Variants in GPC6 observed in about 807,000 individuals in gnomAD.
GPC6 encodes glypican 6, also known as glypican-6.
A neutral mutation model predicts 55.2 loss-of-function variants in GPC6; 14 were observed. The ratio of observed to expected loss-of-function variants is 0.25; its 90% CI spans 0.17 to 0.40. GPC6 has a LOEUF of 0.40. Among genes scored for constraint, GPC6 ranks in the 10% least tolerant of loss-of-function variants. The probability of loss-of-function intolerance (pLI) is 1.00; values close to 1 mark genes in which losing one functional copy is unlikely to be tolerated. For synonymous variants in GPC6, 278 were observed against 259.6 expected, an observed-to-expected ratio of 1.07 and a Z score of -0.68; for missense variants, 641 against 708.5, an observed-to-expected ratio of 0.90 and a Z score of 1.08.
chr13:93,941,506 A>G (rs922480051), intron 3 of GPC6, among the ~76,000 whole-genome samples: 2 of 152,218 alleles, frequency 1.3e-5, no homozygotes, highest in Non-Finnish European at 2.9e-5. Flanking sequence ...GTGGCAGTGC[A>G]GTACGTACTG....
At chr13:93,422,986 G>A (rs7997987) in intron 1 of GPC6, among the ~76,000 whole-genome samples, 7,170 of 152,130 alleles carry the variant, frequency 0.047, 506 homozygotes, top group East Asian at 0.27. Context: ...TGCTTAGGAT[G>A]CACATTATTT....
chr13:94,092,947 GC>G (rs1477603809), intron 4 of GPC6, among the ~76,000 whole-genome samples: 1 of 151,688 alleles, frequency 6.6e-6, no homozygotes, highest in African/African-American at 2.4e-5. Flanking sequence ...TCCATTTTTT[GC>G]CCATTTTTAA....
intron 4 of GPC6, among the ~76,000 whole-genome samples, chr13:94,281,112 T>C (rs1227363114): frequency 6.6e-6 from 1 of 152,208 alleles, no homozygotes; most frequent in Non-Finnish European, 1.5e-5. Flanking sequence ...TTAGATTAAG[T>C]TGAGCTTATT....
At chr13:94,229,721 A>C (rs914861173) in intron 4 of GPC6, among the ~76,000 whole-genome samples, 2 of 152,198 alleles carry the variant, frequency 1.3e-5, no homozygotes, top group East Asian at 3.9e-4. Context: ...TTGCAGTTCC[A>C]CTGCCATGTG....
intron 1 of GPC6, among the ~76,000 whole-genome samples, chr13:93,503,260 A>G (rs979311429): frequency 6.6e-6 from 1 of 152,198 alleles, no homozygotes; most frequent in East Asian, 1.9e-4. Context: ...AATACTGCAC[A>G]TCTTTGTTGT....
chr13:93,569,726 C>A (rs563694074), intron 2 of GPC6, among the ~76,000 whole-genome samples: 2 of 151,296 alleles, frequency 1.3e-5, no homozygotes, highest in South Asian at 4.2e-4. Flanking sequence ...AGAAAAATCT[C>A]TTTTATTTGT....
intron 4 of GPC6, among the ~76,000 whole-genome samples, chr13:94,254,532 T>C (rs1361019764): frequency 6.6e-6 from 1 of 152,036 alleles, no homozygotes; most frequent in Non-Finnish European, 1.5e-5. Context: ...CTTAATATAA[T>C]GATAATAATA....
At chr13:94,153,500 G>C (rs1414541367) in intron 4 of GPC6, among the ~76,000 whole-genome samples, 2 of 152,126 alleles carry the variant, frequency 1.3e-5, no homozygotes, top group African/African-American at 2.4e-5. Flanking sequence ...CACCAACTCT[G>C]AAAATGGGAA....
intron 1 of GPC6, among the ~76,000 whole-genome samples, chr13:93,245,633 C>A (rs1163600190): frequency 6.6e-6 from 1 of 152,158 alleles, no homozygotes; most frequent in African/African-American, 2.4e-5. Context: ...GGGGCTCATA[C>A]TCTGGTTGCC....
At chr13:93,988,792 C>T (rs1383581735) in intron 3 of GPC6, among the ~76,000 whole-genome samples, 5 of 152,076 alleles carry the variant, frequency 3.3e-5, no homozygotes, top group African/African-American at 1.2e-4. Flanking sequence ...AAACATTCAA[C>T]CTGTAGCAAT....
chr13:93,382,103 T>C lies in GPC6; in HGVS notation c.160+154487T>C, dbSNP rs1875200559. Among the ~76,000 whole-genome samples the C allele has an allele frequency of 1.3e-5, 2 of 152,138 alleles. 1 individual carries two copies. The highest frequency in any genetic ancestry group is 4.1e-4 in the South Asian group (2 of 4,832). On this transcript the variant is annotated intron_variant, in intron 1 of 8. Coordinates refer to ENST00000377047, the MANE Select transcript of GPC6 (RefSeq NM_005708.5). Reference sequence around the variant, plus strand: ...GAAAAGATTTCAACTTGTCCAAAGTTTGTACGAGATCATCAGGTAGTTCTT... The same window carrying C: ...GAAAAGATTTCAACTTGTCCAAAGTCTGTACGAGATCATCAGGTAGTTCTT...
intron 1 of GPC6, among the ~76,000 whole-genome samples, chr13:93,466,508 G>A (rs2139321776): frequency 6.6e-6 from 1 of 152,302 alleles, no homozygotes; most frequent in Non-Finnish European, 1.5e-5. Flanking sequence ...TATTGAATGA[G>A]TCGAGGAATT....
chr13:93,510,318 C>T (rs1192880428), intron 1 of GPC6, among the ~76,000 whole-genome samples: 1 of 152,074 alleles, frequency 6.6e-6, no homozygotes, highest in Admixed American at 6.6e-5. Context: ...TTCCCTCTCC[C>T]CCAAATCAGC....
intron 1 of GPC6, among the ~76,000 whole-genome samples, chr13:93,292,132 T>C (rs952228858): frequency 1.3e-5 from 2 of 152,200 alleles, no homozygotes; most frequent in Admixed American, 1.3e-4. Flanking sequence ...AGCCATTTTG[T>C]AGCAAACTTG....
chr13:93,226,720 T>G (rs1045355885), upstream of GPC6: 1 of 152,244 alleles, frequency 6.6e-6, no homozygotes, highest in African/African-American at 2.4e-5. Context: ...TTCTACCGAC[T>G]AGGAAGAGAT....
intron 3 of GPC6, among the ~76,000 whole-genome samples, chr13:93,849,769 A>G (rs746280990): frequency 6.6e-6 from 1 of 152,086 alleles, no homozygotes; most frequent in African/African-American, 2.4e-5. Flanking sequence ...AGGGTATACC[A>G]GTAGTTTCAT....
chr13:94,250,070 T>C (rs1264782382), intron 4 of GPC6, among the ~76,000 whole-genome samples: 1 of 152,180 alleles, frequency 6.6e-6, no homozygotes, highest in African/African-American at 2.4e-5. Flanking sequence ...AAGCCTTTGT[T>C]AAGCATTAAT....
At chr13:94,143,913 A>G (rs1887468141) in intron 4 of GPC6, among the ~76,000 whole-genome samples, 1 of 152,194 alleles carries the variant, frequency 6.6e-6, no homozygotes, top group African/African-American at 2.4e-5. Context: ...ATAAAATTAT[A>G]GCAATTGAAA....
At chr13:93,750,535 G>A (rs1884542337) in intron 2 of GPC6, among the ~76,000 whole-genome samples, 2 of 152,040 alleles carry the variant, frequency 1.3e-5, no homozygotes, top group African/African-American at 4.8e-5. Context: ...CAGATCTGTG[G>A]TAAAATATCT....
Sources: gnomAD v4.1 joint callset for allele counts (sites outside exome capture counted in the v4.1 genomes callset) on GRCh38, gnomAD v4.1.1 for gene constraint, MANE v1.5 for transcripts, NCBI Gene and HGNC (gene_info 2026-07-23, HGNC 2026-07-21) for gene names.